The following LMAN2 variants were observed in gnomAD, a reference collection of about 807,000 sequenced individuals.
LMAN2 encodes vesicular integral-membrane protein VIP36.
In LMAN2, 22 loss-of-function variants were observed where a neutral mutation model predicts 39.3. That is an observed-to-expected ratio of 0.56 (90% CI 0.40 to 0.80). The LOEUF (loss-of-function observed/expected upper bound fraction) is 0.80. Ranked by LOEUF, LMAN2 falls within the 30% of genes least tolerant of loss-of-function variation. The pLI is 0.00. For synonymous variants in LMAN2, 207 were observed against 207.8 expected, an observed-to-expected ratio of 1.00 and a Z score of 0.03; for missense variants, 494 against 505.4, an observed-to-expected ratio of 0.98 and a Z score of 0.22.
rs1355008125 is a variant in LMAN2, at chr5:177,332,237, T to C, written c.920A>G (p.Asp307Gly). 6.2e-7 allele frequency: 1 copy of C among 1,612,240 alleles called. No individual in the cohort carries two copies. Among genetic ancestry groups the C allele is most frequent in the African/African-American group, 1.3e-5 (1 of 74,898 alleles). ...GCTGCGGAAGTTCCCCGTGGGGTCG[T>C]CCACGTTGTCTGGGGGAGAAGAAAC... is the stretch of plus-strand genomic sequence containing the variant. ...NFLKSPKDNVDDPTGNFRSGP... is the reference protein window; with the variant it reads ...NFLKSPKDNVGDPTGNFRSGP... The change falls in exon 8 of 8, where the codon GAC becomes GGC. Residue 307 changes from aspartate (D) to glycine (G), a missense_variant. By Grantham distance (94) the Asp-to-Gly change is moderately conservative (BLOSUM62 -1). Coordinates refer to ENST00000303127, the MANE Select transcript of LMAN2 (RefSeq NM_006816.3). The surrounding 1 kb of genome is among the most constrained non-coding windows in gnomAD (Gnocchi z 6.3).
Position 177,337,092 on chromosome 5 carries a change from G to T in LMAN2, c.790+44C>A. On this transcript the variant is annotated intron_variant, in intron 6 of 7. Transcript: ENST00000303127. The surrounding 1 kb of genome is among the most constrained non-coding windows in gnomAD (Gnocchi z 8.2). ...TGCATGGAAAGCTCCCAGTCCCTCA[G>T]GGTGAGCTGGGCTGGGAACCAACGC... 6.9e-7 allele frequency: 1 copy of T among 1,446,534 alleles called. No individual in the cohort carries two copies. Among genetic ancestry groups the T allele is most frequent in the Non-Finnish European group, 9.7e-7 (1 of 1,035,204 alleles). The allele number at this position is 1,446,534 out of a possible 1,614,324, so 89.6% of individuals were successfully genotyped here. A position where few individuals can be genotyped will look rare whatever the true frequency, so the allele number is the denominator to read the frequency against.
chr5:177,338,859 G>A (rs867333656), intron 2 of LMAN2, among the ~76,000 whole-genome samples: 51 of 152,344 alleles, frequency 3.3e-4, no homozygotes, highest in African/African-American at 1.1e-3. Context: ...CCCAGACCCC[G>A]CCAGCAGACC....
intron 2 of LMAN2, among the ~76,000 whole-genome samples, chr5:177,338,869 C>T (rs1761513381): frequency 6.6e-6 from 1 of 152,254 alleles, no homozygotes; most frequent in African/African-American, 2.4e-5. Context: ...GCCAGCAGAC[C>T]TCAGGCTGCT....
intron 2 of LMAN2, among the ~76,000 whole-genome samples, chr5:177,341,512 A>G (rs918489183): frequency 1.3e-5 from 2 of 152,278 alleles, no homozygotes; most frequent in African/African-American, 4.8e-5. Flanking sequence ...TTGGAGATAC[A>G]GGAAGGTAAC....
At chr5:177,340,816 A>G (rs111566909) in intron 2 of LMAN2, among the ~76,000 whole-genome samples, 50,758 of 149,922 alleles carry the variant, frequency 0.34, 8,995 homozygotes, top group African/African-American at 0.42. Flanking sequence ...GTGCAGTGGC[A>G]CAATCTCTGC....
intron 6 of LMAN2, 21 bp from the exon 7 acceptor site, chr5:177,334,424 C>A (rs771584661): frequency 9.8e-5 from 157 of 1,606,836 alleles, no homozygotes; most frequent in Non-Finnish European, 1.3e-4. Context: ...AAGAATAAAC[C>A]TGTGACAGCC....
At chr5:177,341,459 A>C (rs575455106) in intron 2 of LMAN2, among the ~76,000 whole-genome samples, 8 of 152,238 alleles carry the variant, frequency 5.3e-5, no homozygotes, top group Non-Finnish European at 1.2e-4. Flanking sequence ...ACCCGGCTTC[A>C]CGGCGGGAAC....
chr5:177,342,705 A>C (rs937483553), intron 2 of LMAN2, among the ~76,000 whole-genome samples: 1 of 152,012 alleles, frequency 6.6e-6, no homozygotes, highest in African/African-American at 2.4e-5. Flanking sequence ...TAAACAAACC[A>C]ACAAAAAAAC....
chr5:177,336,054 G>A (rs1761464550), intron 6 of LMAN2, among the ~76,000 whole-genome samples: 2 of 152,198 alleles, frequency 1.3e-5, no homozygotes, highest in African/African-American at 2.4e-5. Context: ...AGGAGGGCCA[G>A]AGACAATAAA....
Position 177,332,182 on chromosome 5 carries a change from C to A in LMAN2, c.975G>T (p.Leu325=). The change falls in exon 8 of 8, where the codon CTG becomes CTT. Residue 325 remains leucine (L), a synonymous_variant. Transcript: ENST00000303127. The surrounding 1 kb of genome is among the most constrained non-coding windows in gnomAD (Gnocchi z 6.3). ...SGPLTGWRVF[L]LLLCALLGIV... is the part of the protein sequence containing the mutation. ...TGCCCAGGAGAGCGCACAGCAGCAG[C>A]AGGAACACCCGCCACCCCGTCAGGG... 6.2e-7 allele frequency: 1 copy of A among 1,613,538 alleles called. No homozygotes were observed. The highest frequency in any genetic ancestry group is 8.5e-7 in the Non-Finnish European group (1 of 1,179,932).
At chr5:177,340,340 C>T (rs2127316443) in intron 2 of LMAN2, among the ~76,000 whole-genome samples, 1 of 152,210 alleles carries the variant, frequency 6.6e-6, no homozygotes, top group Admixed American at 6.5e-5. Context: ...TTTTCAATTT[C>T]AACTTTTATT....
At position 177,338,510 on chromosome 5, in the gene LMAN2, G is replaced by A. The variant is rs746547839; in HGVS notation, c.411C>T (p.Tyr137=). 9.9e-6 allele frequency: 16 copies of A among 1,614,190 alleles called. No individual in the cohort carries two copies. Among genetic ancestry groups the A allele is most frequent in the Non-Finnish European group, 1.4e-5 (16 of 1,179,998 alleles). ...NLHGDGIALW[Y]TRDRLVPGPV... Reference sequence around the variant, plus strand: ...CACCTGGCACGAGGCGGTCCCGGGTGTACCACAAGGCGATGCCGTCTCCAT... The same window carrying A: ...CACCTGGCACGAGGCGGTCCCGGGTATACCACAAGGCGATGCCGTCTCCAT... Residue 137 remains tyrosine (Y), a synonymous_variant, in exon 3 of 8, where the codon TAC becomes TAT. Coordinates refer to ENST00000303127, the MANE Select transcript of LMAN2 (RefSeq NM_006816.3).
In LMAN2 at chr5:177,351,581, G is replaced by A. The variant is rs554442231; in HGVS notation, c.67C>T (p.Leu23Phe). The stretch of plus-strand genomic sequence containing the variant: ...GTAGTGGGGCCAGGGCCGGGGCCGA[G>A]AAGCCCAGGCCTTCCCAGGCACCGC... ...GRRCLGRPGL[L>F]GPGPGPTTPL... is the part of the protein sequence containing the mutation. The change falls in exon 1 of 8, where the codon CTC becomes TTC. Residue 23 changes from leucine (L) to phenylalanine (F), a missense_variant. Coordinates refer to ENST00000303127, the MANE Select transcript of LMAN2 (RefSeq NM_006816.3). 63 of 1,613,658 alleles carry A rather than the reference G, an allele frequency of 3.9e-5. 1 individual carries two copies. The South Asian group carries it at 5.8e-4, about 15-fold the overall frequency.
chr5:177,340,975 A>T lies in LMAN2; in HGVS notation c.316-2370T>A, dbSNP rs185087531. ...TTTCACCGTGTTAGCCAGGATGGTC[A>T]CGATCTCCTGACCTTGTGATCCGCC... On this transcript the variant is annotated intron_variant, in intron 2 of 7. Transcript: ENST00000303127. Among the ~76,000 whole-genome samples the T allele has an allele frequency of 9.3e-5, 14 of 151,344 alleles. No individual in the cohort carries two copies. In the East Asian group the frequency reaches 2.0e-3, roughly 21 times the overall value.
intron 6 of LMAN2, among the ~76,000 whole-genome samples, chr5:177,336,530 AG>A (rs1278328917): frequency 6.6e-6 from 1 of 152,146 alleles, no homozygotes; most frequent in Non-Finnish European, 1.5e-5. Flanking sequence ...CCAGGTAGTC[AG>A]GGAGGGGAGG....
rs920654782 is a variant in LMAN2, at chr5:177,334,212, C to T, written c.910+72G>A. The T allele has an allele frequency of 5.1e-5, 78 of 1,530,706 alleles. 1 individual carries two copies. The South Asian group carries it at 5.7e-4, about 11-fold the overall frequency. The allele number at this position is 1,530,706 out of a possible 1,614,324, so 94.8% of individuals were successfully genotyped here. On this transcript the variant is annotated intron_variant, in intron 7 of 7. Coordinates refer to ENST00000303127, the MANE Select transcript of LMAN2 (RefSeq NM_006816.3). ...ACAACCACGACTGGACCACAAGACCCGCCAGGCTGGCTTCACCCCATTCTG... is the reference window on the plus strand; with the variant it reads ...ACAACCACGACTGGACCACAAGACCTGCCAGGCTGGCTTCACCCCATTCTG...
chr5:177,346,785 G>A (rs905402499), intron 2 of LMAN2, among the ~76,000 whole-genome samples: 4 of 151,838 alleles, frequency 2.6e-5, no homozygotes, highest in South Asian at 2.1e-4. Context: ...TTACAGGCAC[G>A]TGTCACCTTG....
chr5:177,351,643 G>T lies in LMAN2; in HGVS notation c.5C>A (p.Ala2Glu). 6.3e-7 allele frequency: 1 copy of T among 1,589,556 alleles called. No homozygotes were observed. The highest frequency in any genetic ancestry group is 8.5e-7 in the Non-Finnish European group (1 of 1,170,524). MAAEGWIWRWGW... is the reference protein window; with the variant it reads MEAEGWIWRWGW... ...CCAACGCCAAATCCAGCCTTCCGCC[G>T]CCATTCTCCTCTCCTCTCGGCCACT... The change falls in exon 1 of 8, where the codon GCG (alanine) becomes GAG (glutamate). Residue 2 changes from alanine to glutamate, a missense_variant. By Grantham distance (107) the Ala-to-Glu change is moderately radical. Coordinates refer to ENST00000303127, the MANE Select transcript of LMAN2 (RefSeq NM_006816.3).
chr5:177,340,049 A>C (rs1251302190), intron 2 of LMAN2, among the ~76,000 whole-genome samples: 2 of 152,160 alleles, frequency 1.3e-5, no homozygotes, highest in African/African-American at 4.8e-5. Flanking sequence ...TTCCCGAGTA[A>C]GATGTGAGAA....
Sources: gnomAD v4.1 joint callset for allele counts (sites outside exome capture counted in the v4.1 genomes callset) on GRCh38, gnomAD v4.1.1 for gene constraint, Gnocchi (gnomAD v3.1) non-coding constraint, MANE v1.5 for transcripts, NCBI Gene and HGNC (gene_info 2026-07-23, HGNC 2026-07-21) for gene names.